The following TOX variants were observed in gnomAD, a reference collection of about 807,000 sequenced individuals.
TOX encodes thymocyte selection-associated high mobility group box protein TOX.
TOX carries 11 observed loss-of-function variants against 53.7 expected under a neutral mutation model. That is an observed-to-expected ratio of 0.20 (90% CI 0.13 to 0.34). TOX has a LOEUF of 0.34. Ranked by LOEUF, TOX falls within the 10% of genes least tolerant of loss-of-function variation. The pLI is 1.00. For synonymous variants in TOX, 225 were observed against 245.3 expected, an observed-to-expected ratio of 0.92 and a Z score of 0.77; for missense variants, 570 against 664.6, an observed-to-expected ratio of 0.86 and a Z score of 1.56.
intron 2 of TOX, among the ~76,000 whole-genome samples, chr8:58,952,414 A>T (rs1812636020): frequency 6.6e-6 from 1 of 152,260 alleles, no homozygotes; most frequent in South Asian, 2.1e-4. Context: ...AAAAGAATAC[A>T]ACATGTTATA....
intron 5 of TOX, among the ~76,000 whole-genome samples, chr8:58,832,162 G>GTAATATATA (rs1044923168): frequency 7.0e-5 from 8 of 114,488 alleles, no homozygotes; most frequent in East Asian, 6.1e-4. Context: ...TATAATATAT[G>GTAATATATA]TAATATATGT....
chr8:59,082,752 G>C (rs979740507), intron 1 of TOX, among the ~76,000 whole-genome samples: 1 of 152,152 alleles, frequency 6.6e-6, no homozygotes, highest in Non-Finnish European at 1.5e-5. Context: ...ATTTTTGTCA[G>C]CTAAGTGATA....
At chr8:58,923,999 A>G (rs181469620) in intron 3 of TOX, among the ~76,000 whole-genome samples, 5 of 152,314 alleles carry the variant, frequency 3.3e-5, no homozygotes, top group Admixed American at 2.6e-4. Context: ...TTTCATATCA[A>G]TTTTGGAAAC....
At chr8:58,948,240 A>G (rs7012303) in intron 2 of TOX, among the ~76,000 whole-genome samples, 46,681 of 151,986 alleles carry the variant, frequency 0.31, 7,440 homozygotes, top group East Asian at 0.4. Context: ...AGCAGATCAA[A>G]TGAGGGTGGG....
At chr8:58,887,852 G>A (rs1371291843) in intron 3 of TOX, among the ~76,000 whole-genome samples, 5 of 151,948 alleles carry the variant, frequency 3.3e-5, no homozygotes, top group African/African-American at 4.8e-5. Context: ...ATATTCTTAC[G>A]AATACAGCAT....
At chr8:59,067,633 T>C (rs2129422371) in intron 1 of TOX, among the ~76,000 whole-genome samples, 1 of 151,982 alleles carries the variant, frequency 6.6e-6, no homozygotes, top group Middle Eastern at 3.4e-3. Context: ...AAACATATTC[T>C]CTCCTTCCAA....
At chr8:59,111,273 G>A (rs1289254608) in intron 1 of TOX, among the ~76,000 whole-genome samples, 2 of 152,054 alleles carry the variant, frequency 1.3e-5, no homozygotes, top group African/African-American at 2.4e-5. Context: ...CCTGAGAAAG[G>A]CCTATGGTTT....
chr8:58,896,882 T>C (rs1261383533), intron 3 of TOX, among the ~76,000 whole-genome samples: 1 of 152,198 alleles, frequency 6.6e-6, no homozygotes, highest in Non-Finnish European at 1.5e-5. Flanking sequence ...CTGAGATTTA[T>C]TACTGTAACA....
At chr8:58,810,829 G>A (rs747846133) in intron 7 of TOX, among the ~76,000 whole-genome samples, 19 of 150,144 alleles carry the variant, frequency 1.3e-4, no homozygotes, top group Non-Finnish European at 2.5e-4. Flanking sequence ...ACCCCCTTTC[G>A]CTGCCCTTCC....
chr8:58,936,231 C>T (rs1812342315), intron 3 of TOX, among the ~76,000 whole-genome samples: 1 of 152,146 alleles, frequency 6.6e-6, no homozygotes, highest in Non-Finnish European at 1.5e-5. Flanking sequence ...GAACACTCTC[C>T]AACATGCCTT....
At chr8:59,062,971 CAT>C (rs1390336118) in intron 1 of TOX, among the ~76,000 whole-genome samples, 1 of 152,118 alleles carries the variant, frequency 6.6e-6, no homozygotes, top group Non-Finnish European at 1.5e-5. Flanking sequence ...AAGAATCTTT[CAT>C]AGTGAAGAAA....
intron 3 of TOX, among the ~76,000 whole-genome samples, chr8:58,881,222 TATTTCATTATCACC>T (rs1327695823): frequency 6.6e-6 from 1 of 152,196 alleles, no homozygotes; most frequent in African/African-American, 2.4e-5. Context: ...ATCTGATTAC[TATTTCATTATCACC>T]ATTTCATAAA....
chr8:58,895,360 G>A (rs1434342149), intron 3 of TOX, among the ~76,000 whole-genome samples: 3 of 152,060 alleles, frequency 2.0e-5, no homozygotes, highest in Non-Finnish European at 1.5e-5. Flanking sequence ...AGTTCTTTAT[G>A]AATACAATTA....
At chr8:59,083,564 AG>A (rs1804451042) in intron 1 of TOX, among the ~76,000 whole-genome samples, 1 of 152,184 alleles carries the variant, frequency 6.6e-6, no homozygotes, top group Non-Finnish European at 1.5e-5. Context: ...CTATTGAGAA[AG>A]CTTGGAGAAT....
intron 3 of TOX, among the ~76,000 whole-genome samples, chr8:58,900,679 G>A (rs772650513): frequency 6.6e-6 from 1 of 151,984 alleles, no homozygotes. Context: ...TTAGGGCAAG[G>A]GACCTGCAAG....
intron 3 of TOX, among the ~76,000 whole-genome samples, chr8:58,890,094 T>A: frequency 6.6e-6 from 1 of 152,190 alleles, no homozygotes; most frequent in East Asian, 1.9e-4. Flanking sequence ...ATATTTTATG[T>A]CCATAATTCT....
At position 58,815,433 on chromosome 8, in the gene TOX, T is replaced by G; in HGVS notation, c.1297A>C (p.Met433Leu). Reference protein sequence around the residue: ...ISPPLHQHLNMQQHQPLTMQQ... With the variant: ...ISPPLHQHLNLQQHQPLTMQQ... ...ATGGTGAGCGGCTGGTGCTGCTGCA[T>G]GTTGAGATGCTGGTGAAGAGGCGGG... is the stretch of plus-strand genomic sequence containing the variant. The change falls in exon 7 of 9, where the codon ATG becomes CTG. Residue 433 changes from methionine to leucine, a missense_variant. Physicochemically the swap from Met to Leu is conservative, Grantham distance 15 (BLOSUM62 2). Around this residue, in one of 3 missense-constraint regions of TOX, gnomAD observed 239 missense variants for 250.7 expected, o/e 0.95. Transcript: ENST00000361421. 1.2e-6 allele frequency: 2 copies of G among 1,613,964 alleles called. No individual in the cohort carries two copies. The highest frequency in any genetic ancestry group is 1.7e-6 in the Non-Finnish European group (2 of 1,179,980).
chr8:58,909,660 CT>C (rs34509406), intron 3 of TOX, among the ~76,000 whole-genome samples: 430 of 142,836 alleles, frequency 3.0e-3, no homozygotes, highest in Middle Eastern at 3.6e-3. Context: ...CTCTCTCTCT[CT>C]TTTTTTTTTT....
chr8:59,008,876 G>C (rs1813843897), intron 1 of TOX, among the ~76,000 whole-genome samples: 1 of 152,224 alleles, frequency 6.6e-6, no homozygotes, highest in Admixed American at 6.5e-5. Flanking sequence ...AGTTACCCTT[G>C]ATTTAAAGCT....
Sources: gnomAD v4.1 joint callset for allele counts (sites outside exome capture counted in the v4.1 genomes callset) on GRCh38, gnomAD v4.1.1 for gene constraint, gnomAD v4.1.1 regional missense constraint, MANE v1.5 for transcripts, NCBI Gene and HGNC (gene_info 2026-07-23, HGNC 2026-07-21) for gene names.